Variants in GUCY1A2 observed in about 807,000 individuals in gnomAD.
GUCY1A2 encodes guanylate cyclase 1 soluble subunit alpha 2, also known as guanylate cyclase soluble subunit alpha-2.
Under a neutral mutation model 63.5 loss-of-function variants are expected in GUCY1A2, and 27 were observed. That is an observed-to-expected ratio of 0.43 (90% confidence interval 0.31 to 0.59). The LOEUF is 0.59. GUCY1A2 is among the 20% of genes least tolerant of loss of function. The probability of loss-of-function intolerance (pLI) is 0.11; values close to 1 mark genes in which losing one functional copy is unlikely to be tolerated. For synonymous variants in GUCY1A2, 364 were observed against 343.5 expected (o/e 1.06, Z -0.66); for missense variants, 768 against 913.3 (o/e 0.84, Z 2.05).
chr11:106,767,638 A>G (rs949787477), intron 6 of GUCY1A2, among the ~76,000 whole-genome samples: 5 of 152,128 alleles, frequency 3.3e-5, no homozygotes. Flanking sequence ...ATTGACATAC[A>G]CATCACAGAC....
chr11:106,983,790 CA>C (rs1333103517), intron 2 of GUCY1A2, among the ~76,000 whole-genome samples: 1 of 152,102 alleles, frequency 6.6e-6, no homozygotes, highest in East Asian at 1.9e-4. Context: ...CCTCACCTGC[CA>C]AAAAATAACT....
intron 1 of GUCY1A2, among the ~76,000 whole-genome samples, chr11:107,017,347 G>A (rs886554195): frequency 5.3e-5 from 8 of 152,156 alleles, no homozygotes; most frequent in African/African-American, 1.4e-4. Context: ...GCTCCTTTGG[G>A]ATGCTGGAGA....
intron 6 of GUCY1A2, among the ~76,000 whole-genome samples, chr11:106,739,998 T>C (rs995311907): frequency 1.7e-5 from 2 of 116,738 alleles, no homozygotes; most frequent in African/African-American, 4.0e-5. Context: ...TGAGAGGCAC[T>C]TTTTTTTTTT....
intron 6 of GUCY1A2, among the ~76,000 whole-genome samples, chr11:106,760,550 T>C (rs916389624): frequency 6.6e-6 from 1 of 152,194 alleles, no homozygotes; most frequent in Non-Finnish European, 1.5e-5. Flanking sequence ...ACAAAGTAGG[T>C]AAAATAATTT....
At position 106,915,703 on chromosome 11, in the gene GUCY1A2, T is replaced by G. The variant is rs1204185762; in HGVS notation, c.1206+23757A>C. Among the ~76,000 whole-genome samples the G allele has an allele frequency of 2.1e-5, 3 of 144,902 alleles. 1 individual carries two copies. Among genetic ancestry groups the G allele is most frequent in the African/African-American group, 7.3e-5 (3 of 40,830 alleles). The stretch of plus-strand genomic sequence containing the variant: ...ATCATAGAAAAAGGGTGCTTCTTCG[T>G]TCAACCCAATTTTAATATAAATGAG... On this transcript the variant is annotated intron_variant, in intron 4 of 7. Transcript: ENST00000526355.
chr11:106,963,347 T>C (rs1861084814), intron 3 of GUCY1A2, among the ~76,000 whole-genome samples: 1 of 152,220 alleles, frequency 6.6e-6, no homozygotes, highest in Non-Finnish European at 1.5e-5. Context: ...CGTGTATAGA[T>C]GTCACTCAAT....
At chr11:106,882,469 G>A (rs1481336341) in intron 4 of GUCY1A2, among the ~76,000 whole-genome samples, 1 of 152,014 alleles carries the variant, frequency 6.6e-6, no homozygotes, top group Non-Finnish European at 1.5e-5. Flanking sequence ...GGGGTGGAGG[G>A]TGAAAGAGAG....
In GUCY1A2 at chr11:106,679,335, G is replaced by C. The variant is rs1476481710; in HGVS notation, c.*8214C>G. 1 of 191,746 alleles carries C rather than the reference G, an allele frequency of 5.2e-6. No individual in the cohort carries two copies. Among genetic ancestry groups the C allele is most frequent in the African/African-American group, 2.3e-5 (1 of 42,930 alleles). 11.9% of individuals were successfully genotyped at this position (191,746 alleles called of 1,614,324 possible). A position where few individuals can be genotyped will look rare whatever the true frequency, so the allele number is the denominator to read the frequency against. On this transcript the variant is annotated 3_prime_UTR_variant, in exon 8 of 8. Transcript: ENST00000526355. Reference sequence around the variant, plus strand: ...ATGCTATGGGGTGATTCTCTCTCCAGCTCAAATACTCTGGCACATTCTGTA... The same window carrying C: ...ATGCTATGGGGTGATTCTCTCTCCACCTCAAATACTCTGGCACATTCTGTA...
chr11:106,874,854 T>G (rs991834074), intron 4 of GUCY1A2, among the ~76,000 whole-genome samples: 1 of 152,126 alleles, frequency 6.6e-6, no homozygotes, highest in Non-Finnish European at 1.5e-5. Context: ...AAATTATGGA[T>G]GAGAATCAAG....
intron 6 of GUCY1A2, among the ~76,000 whole-genome samples, chr11:106,718,812 C>T (rs796202440): frequency 1.3e-5 from 2 of 152,054 alleles, no homozygotes; most frequent in African/African-American, 4.8e-5. Context: ...GAAGCACACA[C>T]AAACTGACCA....
chr11:106,714,718 G>A (rs544367815), intron 6 of GUCY1A2, among the ~76,000 whole-genome samples: 98 of 151,842 alleles, frequency 6.5e-4, no homozygotes, highest in African/African-American at 2.3e-3. Context: ...ATTTGGCAAT[G>A]TCTGGAAGCA....
At chr11:106,900,002 C>G (rs891352542) in intron 4 of GUCY1A2, among the ~76,000 whole-genome samples, 2 of 149,244 alleles carry the variant, frequency 1.3e-5, no homozygotes, top group East Asian at 4.0e-4. Flanking sequence ...AGGAGAATGG[C>G]GTGAACCCGG....
chr11:106,881,875 T>C (rs1055074521), intron 4 of GUCY1A2, among the ~76,000 whole-genome samples: 7 of 152,062 alleles, frequency 4.6e-5, no homozygotes, highest in South Asian at 2.1e-4. Flanking sequence ...GATATTATTA[T>C]AGAATTCATA....
In GUCY1A2 at chr11:106,779,294, A is replaced by G. The variant is rs369218839; in HGVS notation, c.1693-2712T>C. Among the ~76,000 whole-genome samples the G allele has an allele frequency of 1.1e-4, 16 of 152,342 alleles. No individual in the cohort carries two copies. In the East Asian group the frequency reaches 1.5e-3, roughly 15 times the overall value. Reference sequence around the variant, plus strand: ...ATGAGTTGGCAAAAGTTTTATTCCAAAGACTAAAATATACTTCCTGGAAAT... The same window carrying G: ...ATGAGTTGGCAAAAGTTTTATTCCAGAGACTAAAATATACTTCCTGGAAAT... On this transcript the variant is annotated intron_variant, in intron 5 of 7. Coordinates refer to ENST00000526355, the MANE Select transcript of GUCY1A2 (RefSeq NM_000855.3).
At chr11:106,834,867 G>A (rs1859096914) in intron 4 of GUCY1A2, among the ~76,000 whole-genome samples, 1 of 151,868 alleles carries the variant, frequency 6.6e-6, no homozygotes. Context: ...TGAGATTCTT[G>A]GATTATACCT....
At chr11:106,903,835 T>C (rs184832480) in intron 4 of GUCY1A2, among the ~76,000 whole-genome samples, 15 of 152,270 alleles carry the variant, frequency 9.9e-5, no homozygotes, top group African/African-American at 2.9e-4. Flanking sequence ...CTTGTAAGAA[T>C]AGTAGCAACA....
intron 4 of GUCY1A2, among the ~76,000 whole-genome samples, chr11:106,926,493 A>C (rs1860523949): frequency 6.6e-6 from 1 of 151,876 alleles, no homozygotes; most frequent in South Asian, 2.1e-4. Flanking sequence ...CACCTTCAGG[A>C]AAGATGAGGT....
intron 7 of GUCY1A2, among the ~76,000 whole-genome samples, chr11:106,704,904 C>G (rs76552220): frequency 0.013 from 1,908 of 150,222 alleles, 39 homozygotes; most frequent in African/African-American, 0.045. Context: ...ATATTATATG[C>G]ACTATTTAAA....
chr11:106,764,042 C>T (rs1184448040), intron 6 of GUCY1A2, among the ~76,000 whole-genome samples: 2 of 151,966 alleles, frequency 1.3e-5, no homozygotes, highest in African/African-American at 4.8e-5. Context: ...TTATAAAAAG[C>T]TAATATTACA....
Sources: allele counts gnomAD v4.1 joint callset (sites outside exome capture counted in the v4.1 genomes callset), GRCh38; gene constraint gnomAD v4.1.1; transcripts MANE v1.5; gene names NCBI Gene and HGNC (gene_info 2026-07-23, HGNC 2026-07-21).